NPAS3: variants seen among roughly 807,000 people sequenced by gnomAD.
The protein encoded by NPAS3 is neuronal PAS domain-containing protein 3.
In NPAS3, 14 loss-of-function variants were observed where a neutral mutation model predicts 73.1. The ratio of observed to expected loss-of-function variants is 0.19; its 90% CI spans 0.13 to 0.30. The LOEUF is 0.30. Ranked by LOEUF, NPAS3 falls within the 10% of genes least tolerant of loss-of-function variation. The pLI is 1.00. For synonymous variants in NPAS3, 620 were observed against 541.5 expected, an observed-to-expected ratio of 1.14 and a Z score of -2.01; for missense variants, 1,096 against 1,250.0, an observed-to-expected ratio of 0.88 and a Z score of 1.86.
chr14:33,246,717 G>A (rs1400564213), intron 3 of NPAS3, among the ~76,000 whole-genome samples: 1 of 151,428 alleles, frequency 6.6e-6, no homozygotes, highest in African/African-American at 2.4e-5. Flanking sequence ...GGCAGGCCGG[G>A]CATGGTGGCT....
At chr14:33,011,019 T>C (rs1373187152) in intron 1 of NPAS3, among the ~76,000 whole-genome samples, 1 of 152,066 alleles carries the variant, frequency 6.6e-6, no homozygotes, top group Non-Finnish European at 1.5e-5. Flanking sequence ...AATAATTATT[T>C]TTGAAACTTT....
chr14:33,723,208 A>G (rs2140558276), intron 6 of NPAS3, among the ~76,000 whole-genome samples: 1 of 152,214 alleles, frequency 6.6e-6, no homozygotes, highest in East Asian at 1.9e-4. Context: ...CACTCCATTA[A>G]AGAAATGTAT....
At chr14:33,038,980 G>A (rs2040261584) in intron 1 of NPAS3, among the ~76,000 whole-genome samples, 1 of 152,142 alleles carries the variant, frequency 6.6e-6, no homozygotes, top group Non-Finnish European at 1.5e-5. Context: ...CAGAGATGAG[G>A]AAGAAAAGAC....
chr14:33,784,751 T>TATTTATTTATTTATTTTTA (rs199829124), intron 9 of NPAS3, among the ~76,000 whole-genome samples: 48 of 114,832 alleles, frequency 4.2e-4, no homozygotes, highest in Admixed American at 2.4e-3. Flanking sequence ...ATTTATTTTT[T>TATTTATTTATTTATTTTTA]TTTTTTTTTT....
chr14:33,509,459 T>C (rs899102242), intron 4 of NPAS3, among the ~76,000 whole-genome samples: 1 of 152,062 alleles, frequency 6.6e-6, no homozygotes, highest in Non-Finnish European at 1.5e-5. Context: ...ATCTAAGACC[T>C]GGATCTTAAT....
chr14:33,018,302 T>C (rs1169841535), intron 1 of NPAS3, among the ~76,000 whole-genome samples: 1 of 152,188 alleles, frequency 6.6e-6, no homozygotes. Flanking sequence ...AGTGGCAGAA[T>C]GGGCTCCAGG....
chr14:33,283,793 G>C (rs1343193733), intron 3 of NPAS3, among the ~76,000 whole-genome samples: 1 of 152,104 alleles, frequency 6.6e-6, no homozygotes, highest in Non-Finnish European at 1.5e-5. Context: ...GTTGTTGTGG[G>C]CATCACATAT....
intron 4 of NPAS3, among the ~76,000 whole-genome samples, chr14:33,394,369 C>T (rs993701146): frequency 2.0e-5 from 3 of 152,260 alleles, no homozygotes; most frequent in South Asian, 4.1e-4. Flanking sequence ...TATTTCTTTT[C>T]CTCCTAGAAC....
intron 2 of NPAS3, among the ~76,000 whole-genome samples, chr14:33,183,262 C>T (rs939131485): frequency 4.0e-5 from 6 of 151,754 alleles, no homozygotes; most frequent in African/African-American, 1.2e-4. Flanking sequence ...CCCGTCTCTA[C>T]GAAAAATAGA....
chr14:33,465,473 C>T (rs568040483), intron 4 of NPAS3, among the ~76,000 whole-genome samples: 8 of 152,232 alleles, frequency 5.3e-5, no homozygotes, highest in African/African-American at 1.4e-4. Flanking sequence ...TCGATTCAAG[C>T]ATGATGTTTA....
chr14:33,385,771 T>G (rs2046750421), intron 4 of NPAS3, among the ~76,000 whole-genome samples: 1 of 152,194 alleles, frequency 6.6e-6, no homozygotes, highest in South Asian at 2.1e-4. Context: ...ATATGGGTCC[T>G]GCATCTGCTC....
intron 6 of NPAS3, among the ~76,000 whole-genome samples, chr14:33,702,912 T>A (rs2140457314): frequency 6.6e-6 from 1 of 152,300 alleles, no homozygotes; most frequent in Admixed American, 6.5e-5. Context: ...GTGTGAAATA[T>A]CCACCTGACA....
rs184390195 is a variant in NPAS3, at chr14:33,285,810, C to A, written c.385+70384C>A. Among the ~76,000 whole-genome samples, 720 of 152,272 alleles carry A rather than the reference C, an allele frequency of 4.7e-3. 11 individuals are homozygous for A. The highest frequency in any genetic ancestry group is 0.016 in the African/African-American group (655 of 41,556). Reference sequence around the variant, plus strand: ...CTCCCTTTTGTTTAGAAGCCTAAATCTACCTCACTTTTTAAGGAGTCCAAA... The same window carrying A: ...CTCCCTTTTGTTTAGAAGCCTAAATATACCTCACTTTTTAAGGAGTCCAAA... On this transcript the variant is annotated intron_variant, in intron 3 of 11. Coordinates refer to ENST00000356141, the Ensembl canonical transcript of NPAS3.
chr14:33,280,268 C>A (rs2041540147), intron 3 of NPAS3, among the ~76,000 whole-genome samples: 1 of 152,054 alleles, frequency 6.6e-6, no homozygotes, highest in Non-Finnish European at 1.5e-5. Context: ...GGTCACCCAA[C>A]TTATAAGAAA....
intron 3 of NPAS3, among the ~76,000 whole-genome samples, chr14:33,247,775 T>G (rs2048443253): frequency 6.6e-6 from 1 of 152,236 alleles, no homozygotes; most frequent in Non-Finnish European, 1.5e-5. Flanking sequence ...TAAAACCTAT[T>G]TGCTAATAGC....
At chr14:32,956,826 G>A (rs2036689952) in intron 1 of NPAS3, among the ~76,000 whole-genome samples, 1 of 152,148 alleles carries the variant, frequency 6.6e-6, no homozygotes. Flanking sequence ...ACCTAAGTAT[G>A]TCTGAAAACA....
chr14:33,356,231 T>C (rs1172592267), intron 3 of NPAS3, among the ~76,000 whole-genome samples: 1 of 152,160 alleles, frequency 6.6e-6, no homozygotes, highest in Non-Finnish European at 1.5e-5. Flanking sequence ...GGAAAACAAA[T>C]AAAAATGACT....
chr14:33,689,648 G>A (rs921119955), intron 6 of NPAS3, among the ~76,000 whole-genome samples: 1 of 152,082 alleles, frequency 6.6e-6, no homozygotes, highest in Non-Finnish European at 1.5e-5. Flanking sequence ...CCTACATGAG[G>A]CCCTTTCGTA....
At chr14:33,775,034 C>CTT (rs767453796) in intron 8 of NPAS3, among the ~76,000 whole-genome samples, 1 of 152,160 alleles carries the variant, frequency 6.6e-6, no homozygotes, top group African/African-American at 2.4e-5. Flanking sequence ...GAGGATTTCA[C>CTT]TTTTATAAAT....
Sources: gnomAD v4.1 joint callset for allele counts (sites outside exome capture counted in the v4.1 genomes callset) on GRCh38, gnomAD v4.1.1 for gene constraint, MANE v1.5 for transcripts, NCBI Gene and HGNC (gene_info 2026-07-23, HGNC 2026-07-21) for gene names.